The following FNDC3B variants were observed in gnomAD, a reference collection of about 807,000 sequenced individuals.
FNDC3B encodes fibronectin type III domain-containing protein 3B.
FNDC3B carries 12 observed loss-of-function variants against 151.5 expected under a neutral mutation model. That is an observed-to-expected ratio of 0.08 (90% CI 0.05 to 0.13). FNDC3B has a LOEUF of 0.13. Among genes scored for constraint, FNDC3B ranks in the 10% least tolerant of loss-of-function variants. FNDC3B has a pLI of 1.00. For synonymous variants in FNDC3B, 528 were observed against 549.0 expected, an observed-to-expected ratio of 0.96 and a Z score of 0.54; for missense variants, 1,214 against 1,505.3, an observed-to-expected ratio of 0.81 and a Z score of 3.20.
At chr3:172,157,569 C>G (rs1291306298) in intron 3 of FNDC3B, among the ~76,000 whole-genome samples, 1 of 152,114 alleles carries the variant, frequency 6.6e-6, no homozygotes, top group Non-Finnish European at 1.5e-5. Flanking sequence ...TCCTGCTATC[C>G]CTAACTCCTA....
intron 1 of FNDC3B, among the ~76,000 whole-genome samples, chr3:172,101,836 A>C (rs372753785): frequency 6.6e-6 from 1 of 152,174 alleles, no homozygotes; most frequent in East Asian, 1.9e-4. Context: ...ATCTAGGCTA[A>C]ATGGTAGTAT....
intron 9 of FNDC3B, among the ~76,000 whole-genome samples, chr3:172,306,311 A>C (rs1421156130): frequency 1.3e-5 from 2 of 152,240 alleles, no homozygotes; most frequent in Non-Finnish European, 2.9e-5. Flanking sequence ...TTAGACTTCC[A>C]GGGATAAATA....
At chr3:172,213,032 A>T (rs1038559614) in intron 3 of FNDC3B, among the ~76,000 whole-genome samples, 3 of 152,078 alleles carry the variant, frequency 2.0e-5, no homozygotes, top group Middle Eastern at 3.2e-3. Flanking sequence ...TTTACACACC[A>T]ATCCATGAAA....
intron 23 of FNDC3B, among the ~76,000 whole-genome samples, chr3:172,366,004 G>A (rs554613111): frequency 6.6e-6 from 1 of 152,254 alleles, no homozygotes; most frequent in African/African-American, 2.4e-5. Context: ...TAGAGTATTT[G>A]TGAATTAAAT....
chr3:172,205,679 T>A (rs1725388964), intron 3 of FNDC3B, among the ~76,000 whole-genome samples: 1 of 152,184 alleles, frequency 6.6e-6, no homozygotes, highest in African/African-American at 2.4e-5. Flanking sequence ...TTTCTTGGAG[T>A]ATGTGTATCA....
chr3:172,112,440 G>A lies in FNDC3B; in HGVS notation c.-28-12G>A. The A allele has an allele frequency of 7.7e-6, 11 of 1,429,502 alleles. No individual in the cohort carries two copies. The highest frequency in any genetic ancestry group is 1.1e-5 in the Non-Finnish European group (11 of 1,011,444). The allele number at this position is 1,429,502 out of a possible 1,614,324, so 88.6% of individuals were successfully genotyped here. A position where few individuals can be genotyped will look rare whatever the true frequency, so the allele number is the denominator to read the frequency against. On this transcript the variant is annotated splice_polypyrimidine_tract_variant and intron_variant, in intron 1 of 25. Transcript: ENST00000415807. Reference sequence around the variant, plus strand: ...TCTGAGTCCTTTTTAAAAAGCGGCGGTTCTCTTGCAGGAAGCCAGTTGAGG... The same window carrying A: ...TCTGAGTCCTTTTTAAAAAGCGGCGATTCTCTTGCAGGAAGCCAGTTGAGG...
At chr3:172,136,815 G>T (rs569831086) in intron 3 of FNDC3B, among the ~76,000 whole-genome samples, 2 of 152,248 alleles carry the variant, frequency 1.3e-5, no homozygotes, top group African/African-American at 4.8e-5. Flanking sequence ...CGCCTCCCGG[G>T]TTCAAGCGAC....
At chr3:172,101,172 G>A (rs183920924) in intron 1 of FNDC3B, among the ~76,000 whole-genome samples, 1 of 152,280 alleles carries the variant, frequency 6.6e-6, no homozygotes, top group Admixed American at 6.5e-5. Context: ...AAGGCATGGG[G>A]TATGTTTTGA....
At chr3:172,046,491 T>A (rs1477989166) in intron 1 of FNDC3B, among the ~76,000 whole-genome samples, 2 of 152,060 alleles carry the variant, frequency 1.3e-5, no homozygotes, top group African/African-American at 4.8e-5. Context: ...CTAATGTTTT[T>A]TTTTTTATTT....
intron 3 of FNDC3B, among the ~76,000 whole-genome samples, chr3:172,169,642 A>G (rs1164189074): frequency 1.3e-5 from 2 of 152,192 alleles, no homozygotes; most frequent in African/African-American, 4.8e-5. Context: ...TGACTTTATG[A>G]TACCCACACT....
chr3:172,099,137 T>C (rs1719244290), intron 1 of FNDC3B, among the ~76,000 whole-genome samples: 1 of 152,210 alleles, frequency 6.6e-6, no homozygotes, highest in Non-Finnish European at 1.5e-5. Context: ...GAAAGGGAAG[T>C]CTCTCATCTG....
chr3:172,313,940 C>T (rs1193410714), intron 11 of FNDC3B, among the ~76,000 whole-genome samples: 1 of 152,064 alleles, frequency 6.6e-6, no homozygotes, highest in East Asian at 1.9e-4. Flanking sequence ...GAGTAGCTCA[C>T]TTGGGTTGGT....
rs536781705 is a variant in FNDC3B, at chr3:172,242,780, G to C, written c.265-4753G>C. On this transcript the variant is annotated intron_variant, in intron 4 of 25. Coordinates refer to ENST00000415807, the MANE Select transcript of FNDC3B (RefSeq NM_022763.4). Reference sequence around the variant, plus strand: ...CTTGCGGATTAACATTCAGCTCTTTGTTACTTAAGCAAATTTCTGCAGTGG... The same window carrying C: ...CTTGCGGATTAACATTCAGCTCTTTCTTACTTAAGCAAATTTCTGCAGTGG... Among the ~76,000 whole-genome samples, 18 of 152,302 alleles carry C rather than the reference G, an allele frequency of 1.2e-4. No homozygotes were observed. In the South Asian group the frequency reaches 3.7e-3, roughly 32 times the overall value.
At chr3:172,049,919 T>C (rs1716559164) in intron 1 of FNDC3B, among the ~76,000 whole-genome samples, 2 of 152,228 alleles carry the variant, frequency 1.3e-5, no homozygotes, top group South Asian at 4.1e-4. Flanking sequence ...GTCATCTCTG[T>C]ACTCATGTTG....
At chr3:172,041,179 C>G (rs538379248) in intron 1 of FNDC3B, among the ~76,000 whole-genome samples, 3 of 152,156 alleles carry the variant, frequency 2.0e-5, no homozygotes, top group African/African-American at 7.2e-5. Context: ...CCCCCCTCCC[C>G]CTCTTCCCTC....
At chr3:172,143,810 G>A (rs1233192001) in intron 3 of FNDC3B, among the ~76,000 whole-genome samples, 1 of 152,062 alleles carries the variant, frequency 6.6e-6, no homozygotes, top group Non-Finnish European at 1.5e-5. Flanking sequence ...TCTGGAGGCT[G>A]AGGGAGGAGA....
intron 6 of FNDC3B, among the ~76,000 whole-genome samples, chr3:172,268,036 T>C (rs1433951682): frequency 6.6e-6 from 1 of 152,252 alleles, no homozygotes; most frequent in Non-Finnish European, 1.5e-5. Flanking sequence ...TTAATAATTA[T>C]TGCCCATTGT....
intron 3 of FNDC3B, among the ~76,000 whole-genome samples, chr3:172,146,966 A>C (rs1721943524): frequency 6.6e-6 from 1 of 152,170 alleles, no homozygotes; most frequent in Admixed American, 6.5e-5. Context: ...TGAAATTCAA[A>C]GTTGATTGGA....
chr3:172,185,059 G>T (rs939026552), intron 3 of FNDC3B, among the ~76,000 whole-genome samples: 4 of 152,204 alleles, frequency 2.6e-5, no homozygotes, highest in Admixed American at 1.3e-4. Flanking sequence ...CAAGAGGGTA[G>T]ATGAAAGCCA....
Sources: gnomAD v4.1 joint callset for allele counts (sites outside exome capture counted in the v4.1 genomes callset) on GRCh38, gnomAD v4.1.1 for gene constraint, MANE v1.5 for transcripts, NCBI Gene and HGNC (gene_info 2026-07-23, HGNC 2026-07-21) for gene names.